The following CTNNA2 variants were observed in gnomAD, a reference collection of about 807,000 sequenced individuals.
CTNNA2 encodes catenin alpha 2, also known as catenin alpha-2.
Under a neutral mutation model 101.0 loss-of-function variants are expected in CTNNA2, and 42 were observed. That is an observed-to-expected ratio of 0.42 (90% confidence interval 0.32 to 0.54). CTNNA2 has a LOEUF of 0.54. Ranked by LOEUF, CTNNA2 falls within the 20% of genes least tolerant of loss-of-function variation. The pLI is 0.14. For missense variants in CTNNA2, 871 were observed against 1,223.1 expected, an observed-to-expected ratio of 0.71 and a Z score of 4.29; for synonymous variants, 450 against 456.4, an observed-to-expected ratio of 0.99 and a Z score of 0.18.
At chr2:79,724,600 G>A (rs986005662) in intron 2 of CTNNA2, among the ~76,000 whole-genome samples, 4 of 151,988 alleles carry the variant, frequency 2.6e-5, no homozygotes, top group African/African-American at 9.7e-5. Context: ...CGCATCAGGA[G>A]GTCAGGAGAT....
At position 80,027,008 on chromosome 2, in the gene CTNNA2, G is replaced by T. The variant is rs183233246; in HGVS notation, c.1056+117211G>T. On this transcript the variant is annotated intron_variant, in intron 7 of 18. Coordinates refer to ENST00000402739, the MANE Select transcript of CTNNA2 (RefSeq NM_001282597.3). ...TGTGAGGTGGGAGTAGGGCTAGGGA[G>T]AGCTGGGAGTAGTATGTATAGATGA... is the stretch of plus-strand genomic sequence containing the variant. 1.2e-3 allele frequency among the ~76,000 whole-genome samples: 180 copies of T among 152,332 alleles called. 1 individual carries two copies. Among genetic ancestry groups the T allele is most frequent in the African/African-American group, 4.1e-3 (171 of 41,564 alleles).
At chr2:79,441,392 A>G (rs1413981470) in intron 4 of CTNNA2, among the ~76,000 whole-genome samples, 2 of 152,136 alleles carry the variant, frequency 1.3e-5, no homozygotes, top group Non-Finnish European at 2.9e-5. Context: ...CAAATTATTA[A>G]CATATCTGAA....
chr2:79,320,102 C>G (rs1676584165), intron 3 of CTNNA2: 1 of 152,030 alleles, frequency 6.6e-6, no homozygotes, highest in Non-Finnish European at 1.5e-5. Context: ...TTGAGCCAGT[C>G]TTGGGAGCTG....
intron 9 of CTNNA2, among the ~76,000 whole-genome samples, chr2:80,537,640 C>T (rs1388789618): frequency 1.3e-5 from 2 of 151,212 alleles, no homozygotes; most frequent in Non-Finnish European, 2.9e-5. Context: ...GTTGCCCAGG[C>T]TGGAGTGCAA....
chr2:80,075,644 A>AT (rs1368339325), intron 7 of CTNNA2, among the ~76,000 whole-genome samples: 1 of 101,256 alleles, frequency 9.9e-6, no homozygotes, highest in African/African-American at 4.2e-5. Flanking sequence ...ATGTATAAAT[A>AT]TTATAAAAAT....
At chr2:80,525,796 G>A (rs960918092) in intron 9 of CTNNA2, among the ~76,000 whole-genome samples, 1 of 152,104 alleles carries the variant, frequency 6.6e-6, no homozygotes, top group African/African-American at 2.4e-5. Flanking sequence ...GATCTGTAAG[G>A]ATAATGACTA....
intron 7 of CTNNA2, among the ~76,000 whole-genome samples, chr2:80,173,363 A>T (rs1558873684): frequency 6.6e-6 from 1 of 152,220 alleles, no homozygotes; most frequent in African/African-American, 2.4e-5. Context: ...GGACTATCAG[A>T]TTTACCAAAT....
chr2:79,699,682 G>T (rs1264043255), intron 2 of CTNNA2, among the ~76,000 whole-genome samples: 1 of 150,568 alleles, frequency 6.6e-6, no homozygotes, highest in African/African-American at 2.4e-5. Context: ...GACCTTTTTG[G>T]GGGGATCTTT....
chr2:79,378,061 T>C (rs1677998965), intron 4 of CTNNA2, among the ~76,000 whole-genome samples: 1 of 152,182 alleles, frequency 6.6e-6, no homozygotes, highest in Admixed American at 6.5e-5. Flanking sequence ...AAATGGTATA[T>C]GTAGGACACA....
intron 7 of CTNNA2, among the ~76,000 whole-genome samples, chr2:79,990,941 T>C (rs1692131302): frequency 6.6e-6 from 1 of 152,160 alleles, no homozygotes; most frequent in African/African-American, 2.4e-5. Flanking sequence ...TATTATTATC[T>C]CAATTTCAGA....
intron 1 of CTNNA2, among the ~76,000 whole-genome samples, chr2:79,621,993 G>A (rs1408413083): frequency 1.3e-5 from 2 of 152,102 alleles, no homozygotes; most frequent in Admixed American, 6.6e-5. Context: ...AGCAGCCTTC[G>A]GAAGCCTGAG....
intron 1 of CTNNA2, among the ~76,000 whole-genome samples, chr2:79,563,629 T>G (rs909391282): frequency 2.0e-5 from 3 of 152,128 alleles, no homozygotes; most frequent in African/African-American, 7.2e-5. Flanking sequence ...CATATAAAAT[T>G]TTATGCTAAT....
At chr2:80,555,636 TTGG>T in intron 11 of CTNNA2, 54 bp from the exon 12 acceptor site, 1 of 1,036,358 alleles carries the variant, frequency 9.6e-7, no homozygotes. Flanking sequence ...TCAATTTTAA[TTGG>T]TTAAGTTCTG....
intron 7 of CTNNA2, among the ~76,000 whole-genome samples, chr2:80,333,470 T>C (rs1390038959): frequency 4.6e-5 from 7 of 152,188 alleles, no homozygotes; most frequent in Admixed American, 3.3e-4. Flanking sequence ...GAGATATGCA[T>C]GATCAAAATA....
At chr2:80,365,025 T>C (rs1451569887) in intron 7 of CTNNA2, among the ~76,000 whole-genome samples, 1 of 152,148 alleles carries the variant, frequency 6.6e-6, no homozygotes, top group East Asian at 1.9e-4. Context: ...TCTGTGGGGT[T>C]TGGCCTTCAT....
intron 4 of CTNNA2, among the ~76,000 whole-genome samples, chr2:79,482,673 T>C (rs1291003727): frequency 6.6e-6 from 1 of 152,148 alleles, no homozygotes; most frequent in Non-Finnish European, 1.5e-5. Flanking sequence ...AATTTAGGTA[T>C]GACTGGCAGC....
chr2:79,248,479 T>A (rs1006558694), intron 2 of CTNNA2, among the ~76,000 whole-genome samples: 5 of 152,196 alleles, frequency 3.3e-5, no homozygotes, highest in Non-Finnish European at 5.9e-5. Flanking sequence ...TTATTTAAAG[T>A]ACATCTCAAT....
chr2:80,170,295 T>C (rs1293530008), intron 7 of CTNNA2, among the ~76,000 whole-genome samples: 1 of 151,982 alleles, frequency 6.6e-6, no homozygotes, highest in Non-Finnish European at 1.5e-5. Flanking sequence ...AAGTGACAAC[T>C]AGCCTACTAT....
chr2:80,405,258 T>C (rs1360292938), intron 8 of CTNNA2, among the ~76,000 whole-genome samples: 2 of 152,186 alleles, frequency 1.3e-5, no homozygotes, highest in Admixed American at 6.5e-5. Flanking sequence ...TTCAGAGAGA[T>C]ATTACTATCA....
Sources: allele counts gnomAD v4.1 joint callset (sites outside exome capture counted in the v4.1 genomes callset), GRCh38; gene constraint gnomAD v4.1.1; transcripts MANE v1.5; gene names NCBI Gene and HGNC (gene_info 2026-07-23, HGNC 2026-07-21).